RABL3: variants seen among roughly 807,000 people sequenced by gnomAD.
RABL3 encodes rab-like protein 3.
A neutral mutation model predicts 31.8 loss-of-function variants in RABL3; 31 were observed. The ratio of observed to expected loss-of-function variants is 0.97; its 90% CI spans 0.73 to 1.31. The LOEUF (loss-of-function observed/expected upper bound fraction) is 1.31, where lower values mean the gene tolerates loss of function less well. RABL3 is among the 40% of genes most tolerant of loss of function. The pLI, the probability that RABL3 is intolerant of heterozygous loss-of-function variation, is 0.00. For missense variants in RABL3, 263 were observed against 279.6 expected (o/e 0.94, Z 0.42); for synonymous variants, 97 against 99.9 (o/e 0.97, Z 0.18).
chr3:120,713,450 A>G (rs1481211405), intron 2 of RABL3, among the ~76,000 whole-genome samples: 1 of 152,236 alleles, frequency 6.6e-6, no homozygotes, highest in Admixed American at 6.5e-5. Flanking sequence ...GCTTGACATT[A>G]TAACAAGTAT....
chr3:120,727,045 A>G (rs933587548), intron 2 of RABL3, among the ~76,000 whole-genome samples: 2 of 152,160 alleles, frequency 1.3e-5, no homozygotes, highest in Admixed American at 6.5e-5. Context: ...GCTTAGATAG[A>G]AATTTTAGAG....
chr3:120,689,936 C>G (rs995281847), intron 7 of RABL3, 48 bp from the exon 8 acceptor site: 3 of 1,425,422 alleles, frequency 2.1e-6, no homozygotes, highest in Non-Finnish European at 3.0e-6. Flanking sequence ...AATAAAAGTT[C>G]AAATACTAAT....
chr3:120,685,063 A>G lies in RABL3; in HGVS notation c.*4760T>C, dbSNP rs757751685. On this transcript the variant is annotated 3_prime_UTR_variant, in exon 8 of 8. Transcript: ENST00000273375. Reference sequence around the variant, plus strand: ...CTGACAGGAAAGAGCCCAGGGATCTAGGGGAAGCACTAGTGGGCACGTAGC... The same window carrying G: ...CTGACAGGAAAGAGCCCAGGGATCTGGGGGAAGCACTAGTGGGCACGTAGC... 6.6e-6 allele frequency among the ~76,000 whole-genome samples: 1 copy of G among 152,236 alleles called. No homozygotes were observed. Among genetic ancestry groups the G allele is most frequent in the Non-Finnish European group, 1.5e-5 (1 of 68,050 alleles).
At chr3:120,717,951 T>C (rs1708689834) in intron 2 of RABL3, among the ~76,000 whole-genome samples, 1 of 152,212 alleles carries the variant, frequency 6.6e-6, no homozygotes. Flanking sequence ...AAGTTTCTTT[T>C]GGAAACTTTG....
Position 120,685,759 on chromosome 3 carries a change from T to A in RABL3, c.*4064A>T, listed in dbSNP as rs1221345641. On this transcript the variant is annotated 3_prime_UTR_variant, in exon 8 of 8. Coordinates refer to ENST00000273375, the MANE Select transcript of RABL3 (RefSeq NM_173825.5). ...AGTTCACAATCTATATTCCCTACTT[T>A]TTGATGAGTTTATTTGTCTTTCTTA... 6.6e-6 allele frequency among the ~76,000 whole-genome samples: 1 copy of A among 152,206 alleles called. No individual in the cohort carries two copies. The highest frequency in any genetic ancestry group is 1.5e-5 in the Non-Finnish European group (1 of 68,036).
At chr3:120,693,657 G>C (rs900785791) in intron 6 of RABL3, among the ~76,000 whole-genome samples, 2 of 152,110 alleles carry the variant, frequency 1.3e-5, no homozygotes, top group African/African-American at 4.8e-5. Context: ...AACAATGTTA[G>C]CAGAGAGTCA....
At chr3:120,692,742 G>A (rs146627289) in intron 6 of RABL3, among the ~76,000 whole-genome samples, 61 of 152,226 alleles carry the variant, frequency 4.0e-4, no homozygotes, top group African/African-American at 1.4e-3. Context: ...ATAAAGCCTT[G>A]CCTGACAACT....
chr3:120,698,590 T>G lies in RABL3; in HGVS notation c.384-17A>C. The G allele has an allele frequency of 6.3e-7, 1 of 1,593,178 alleles. No homozygotes were observed. Among genetic ancestry groups the G allele is most frequent in the Non-Finnish European group, 8.6e-7 (1 of 1,164,138 alleles). On this transcript the variant is annotated splice_polypyrimidine_tract_variant and intron_variant, in intron 4 of 7. Transcript: ENST00000273375. ...TCATAATCCCTGTGATAAATAATAA[T>G]GAAGAGGTGAATAGAATGTATCTTT...
rs773859115 is a variant in RABL3 at position 120,698,531 on chromosome 3, C to T, written c.426G>A (p.Leu142=). The change falls in exon 5 of 8, where the codon CTG becomes CTA. Residue 142 remains leucine, a synonymous_variant. Coordinates refer to ENST00000273375, the MANE Select transcript of RABL3 (RefSeq NM_173825.5). Reference sequence around the variant, plus strand: ...GGTCCAGTTTAGTCCCTATTACCAACAGTGGTATTTGGTTATCAGCAAACT... The same window carrying T: ...GGTCCAGTTTAGTCCCTATTACCAATAGTGGTATTTGGTTATCAGCAAACT... The part of the protein sequence containing the change: ...QEQFADNQIP[L]LVIGTKLDQI... 4 of 1,613,140 alleles carry T rather than the reference C, an allele frequency of 2.5e-6. No individual in the cohort carries two copies. The highest frequency in any genetic ancestry group is 3.4e-6 in the Non-Finnish European group (4 of 1,179,216).
chr3:120,691,250 T>C (rs1312359015), intron 6 of RABL3, among the ~76,000 whole-genome samples: 1 of 152,196 alleles, frequency 6.6e-6, no homozygotes. Flanking sequence ...TTCCAGATGA[T>C]GAAAAACATT....
chr3:120,742,155 C>CTTTT (rs55966768), intron 1 of RABL3, among the ~76,000 whole-genome samples: 3 of 132,824 alleles, frequency 2.3e-5, no homozygotes, highest in Non-Finnish European at 4.9e-5. Context: ...TCAATGCCTG[C>CTTTT]TTTTTTTTTT....
chr3:120,731,997 T>G (rs1708889242), intron 1 of RABL3, among the ~76,000 whole-genome samples: 1 of 152,162 alleles, frequency 6.6e-6, no homozygotes, highest in South Asian at 2.1e-4. Context: ...AGTTGGAGGC[T>G]GCAGTGAGCT....
At chr3:120,706,365 G>C (rs1463502469) in intron 3 of RABL3, among the ~76,000 whole-genome samples, 1 of 151,880 alleles carries the variant, frequency 6.6e-6, no homozygotes, top group African/African-American at 2.4e-5. Flanking sequence ...TAAACTTTTA[G>C]CAGATCTTTA....
chr3:120,721,328 C>A (rs1708737773), intron 2 of RABL3, among the ~76,000 whole-genome samples: 1 of 152,196 alleles, frequency 6.6e-6, no homozygotes, highest in Non-Finnish European at 1.5e-5. Flanking sequence ...CAAATTCACA[C>A]ATAACAATAT....
At chr3:120,697,828 C>CA (rs1378838336) in intron 5 of RABL3, among the ~76,000 whole-genome samples, 1 of 152,138 alleles carries the variant, frequency 6.6e-6, no homozygotes, top group East Asian at 1.9e-4. Flanking sequence ...CCACTTTAAT[C>CA]AATTTATTTT....
intron 4 of RABL3, among the ~76,000 whole-genome samples, chr3:120,701,324 C>T (rs1029277534): frequency 6.6e-6 from 1 of 151,988 alleles, no homozygotes; most frequent in South Asian, 2.1e-4. Context: ...GGGTTGTTTC[C>T]AAATTTTTTG....
intron 1 of RABL3, among the ~76,000 whole-genome samples, chr3:120,739,610 C>CA (rs1444346866): frequency 1.3e-5 from 2 of 152,036 alleles, no homozygotes; most frequent in Non-Finnish European, 2.9e-5. Context: ...GTAATTGAAT[C>CA]AAACATTTTC....
At chr3:120,699,639 T>C (rs1247875873) in intron 4 of RABL3, among the ~76,000 whole-genome samples, 3 of 152,148 alleles carry the variant, frequency 2.0e-5, no homozygotes, top group African/African-American at 7.2e-5. Flanking sequence ...TTAACACTAC[T>C]TTTCTTTCTC....
In RABL3 at chr3:120,742,511, G is replaced by A. The variant is rs1248485269; in HGVS notation, c.-4C>T. The A allele has an allele frequency of 6.2e-7, 1 of 1,614,126 alleles. No homozygotes were observed. The highest frequency in any genetic ancestry group is 8.5e-7 in the Non-Finnish European group (1 of 1,179,972). On this transcript the variant is annotated 5_prime_UTR_variant, in exon 1 of 8. Transcript: ENST00000273375. ...TCACCCGATCCAGGGACGCCATCTT[G>A]CCACTGCCTTCCCTGGGTTAACGCC...
Sources: allele counts gnomAD v4.1 joint callset (sites outside exome capture counted in the v4.1 genomes callset), GRCh38; gene constraint gnomAD v4.1.1; transcripts MANE v1.5; gene names NCBI Gene and HGNC (gene_info 2026-07-23, HGNC 2026-07-21).